RANBP2: variants seen among roughly 807,000 people sequenced by gnomAD.
RANBP2 encodes RAN binding protein 2, also known as E3 SUMO-protein ligase RanBP2.
Under a neutral mutation model 303.6 loss-of-function variants are expected in RANBP2, and 57 were observed. The ratio of observed to expected loss-of-function variants is 0.19; its 90% confidence interval spans 0.15 to 0.23. The LOEUF (loss-of-function observed/expected upper bound fraction) is 0.23. Ranked by LOEUF, RANBP2 falls within the 10% of genes least tolerant of loss-of-function variation. The pLI is 1.00. For synonymous variants in RANBP2, 1,167 were observed against 1,301.5 expected, an observed-to-expected ratio of 0.90 and a Z score of 2.23; for missense variants, 3,138 against 3,780.8, an observed-to-expected ratio of 0.83 and a Z score of 4.46.
At chr2:109,531,600 T>G in the RANBP2 span, among the ~76,000 whole-genome samples, 857 of 152,342 alleles carry the variant, frequency 5.6e-3, 14 homozygotes, top group African/African-American at 0.02. Context: ...ATTGATTATA[T>G]TTTTTCAATA....
the RANBP2 span, among the ~76,000 whole-genome samples, chr2:109,295,805 G>A: frequency 4.6e-5 from 7 of 152,254 alleles, no homozygotes; most frequent in Admixed American, 3.9e-4. Context: ...CCGGCTTTAC[G>A]GATGGCTGCA....
chr2:109,545,553 T>C, the RANBP2 span: 92 of 1,535,540 alleles, frequency 6.0e-5, no homozygotes, highest in East Asian at 2.1e-3. Flanking sequence ...CTTATTAAAA[T>C]AAAAATTCTC....
At chr2:109,661,951 G>C in the RANBP2 span, among the ~76,000 whole-genome samples, 1 of 152,080 alleles carries the variant, frequency 6.6e-6, no homozygotes, top group East Asian at 1.9e-4. Context: ...TTTGGTGGTG[G>C]CCATAAAGAT....
the RANBP2 span, among the ~76,000 whole-genome samples, chr2:108,907,070 T>C: frequency 6.6e-6 from 1 of 152,358 alleles, no homozygotes; most frequent in Non-Finnish European, 1.5e-5. Flanking sequence ...AAGAGGGCTC[T>C]GGCCACCTTT....
At chr2:108,781,473 A>G (rs1289806796) in intron 26 of RANBP2, 44 bp downstream of exon 26, 1 of 1,595,914 alleles carries the variant, frequency 6.3e-7, no homozygotes, top group Non-Finnish European at 8.6e-7. Flanking sequence ...CTTATTTTTC[A>G]TTTTTAAGTT....
chr2:108,749,494 C>T (rs960461072), intron 9 of RANBP2, among the ~76,000 whole-genome samples: 1 of 151,962 alleles, frequency 6.6e-6, no homozygotes, highest in Non-Finnish European at 1.5e-5. Flanking sequence ...GACGGGGTTT[C>T]ATCATGTTGG....
chr2:108,873,410 G>T, the RANBP2 span: 5 of 1,424,366 alleles, frequency 3.5e-6, 1 homozygote, highest in South Asian at 3.5e-5. Flanking sequence ...TTCCTTTTTC[G>T]CTACTCCCTA....
chr2:109,378,366 G>C, the RANBP2 span, among the ~76,000 whole-genome samples: 1 of 152,178 alleles, frequency 6.6e-6, no homozygotes, highest in Non-Finnish European at 1.5e-5. Flanking sequence ...GGAAGGATGG[G>C]GGCTCTAGTT....
the RANBP2 span, among the ~76,000 whole-genome samples, chr2:109,622,242 G>A: frequency 2.0e-5 from 3 of 152,150 alleles, no homozygotes; most frequent in Non-Finnish European, 4.4e-5. Flanking sequence ...AGGTCACAAA[G>A]CTAGTTCTTA....
At chr2:109,080,266 A>G in the RANBP2 span, among the ~76,000 whole-genome samples, 2 of 148,186 alleles carry the variant, frequency 1.3e-5, no homozygotes, top group East Asian at 1.9e-4. Flanking sequence ...AGAGGGCAGC[A>G]GTTTGAGTGG....
At chr2:109,053,062 G>C in the RANBP2 span, among the ~76,000 whole-genome samples, 1 of 152,220 alleles carries the variant, frequency 6.6e-6, no homozygotes, top group East Asian at 1.9e-4. Flanking sequence ...AACTCTGCCA[G>C]GGTGAGGCCT....
the RANBP2 span, among the ~76,000 whole-genome samples, chr2:109,039,145 G>A: frequency 6.6e-6 from 1 of 152,246 alleles, no homozygotes; most frequent in Non-Finnish European, 1.5e-5. Context: ...GATCACTGAA[G>A]GAGAAGGAAT....
Position 108,731,459 on chromosome 2 carries a change from A to C in RANBP2, c.390A>C (p.Ala130=). 1.2e-6 allele frequency: 2 copies of C among 1,611,528 alleles called. No individual in the cohort carries two copies. The highest frequency in any genetic ancestry group is 1.7e-6 in the Non-Finnish European group (2 of 1,179,558). Residue 130 remains alanine (A), a synonymous_variant, in exon 4 of 29, where the codon GCA becomes GCC. Transcript: ENST00000283195. ...RAAKLFPGSP[A]IYKLKEQLLD... ...CCAAACTTTTCCCAGGAAGTCCTGC[A>C]ATTTATAAACTAAAGGTAAACAAAC...
chr2:109,540,184 G>T, the RANBP2 span, among the ~76,000 whole-genome samples: 1 of 152,048 alleles, frequency 6.6e-6, no homozygotes, highest in Non-Finnish European at 1.5e-5. Flanking sequence ...AGGTATTAAG[G>T]CTTGCTTTAT....
At chr2:109,565,838 C>G in the RANBP2 span, 1 of 1,614,092 alleles carries the variant, frequency 6.2e-7, no homozygotes. Flanking sequence ...ATACTTCCCA[C>G]AACAGCAAAC....
chr2:109,432,266 A>G, the RANBP2 span, among the ~76,000 whole-genome samples: 1 of 152,158 alleles, frequency 6.6e-6, no homozygotes, highest in Admixed American at 6.5e-5. Context: ...TGTGGGTGAC[A>G]GGCACACCCC....
chr2:108,818,207 G>A, the RANBP2 span, among the ~76,000 whole-genome samples: 2 of 152,134 alleles, frequency 1.3e-5, no homozygotes, highest in Middle Eastern at 3.2e-3. Flanking sequence ...CTGGGAGGCT[G>A]AGGTGGTAGG....
chr2:108,927,383 A>G, the RANBP2 span, among the ~76,000 whole-genome samples: 1 of 152,194 alleles, frequency 6.6e-6, no homozygotes, highest in South Asian at 2.1e-4. Context: ...ATGGCTGTCC[A>G]CATTCGCCTG....
the RANBP2 span, among the ~76,000 whole-genome samples, chr2:109,085,287 A>G: frequency 3.3e-5 from 5 of 152,200 alleles, no homozygotes; most frequent in African/African-American, 1.2e-4. Flanking sequence ...TATGCATAAC[A>G]AAGTTTACCA....
Sources: gnomAD v4.1 joint callset for allele counts (sites outside exome capture counted in the v4.1 genomes callset) on GRCh38, gnomAD v4.1.1 for gene constraint, MANE v1.5 for transcripts, NCBI Gene and HGNC (gene_info 2026-07-23, HGNC 2026-07-21) for gene names.